Variants in MEN1 observed in about 807,000 individuals in gnomAD.
MEN1 encodes the protein menin.
MEN1 carries 6 observed loss-of-function variants against 58.0 expected under a neutral mutation model. The ratio of observed to expected loss-of-function variants is 0.10; its 90% CI spans 0.06 to 0.20. The LOEUF (loss-of-function observed/expected upper bound fraction) is 0.20, where lower values mean the gene tolerates loss of function less well. Ranked by LOEUF, MEN1 falls within the 10% of genes least tolerant of loss-of-function variation. The probability of loss-of-function intolerance (pLI) is 1.00; values close to 1 mark genes in which losing one functional copy is unlikely to be tolerated. For missense variants in MEN1, 492 were observed against 818.5 expected, an observed-to-expected ratio of 0.60 and a Z score of 4.87; for synonymous variants, 346 against 350.7, an observed-to-expected ratio of 0.99 and a Z score of 0.15.
In MEN1 at chr11:64,809,810, G is replaced by A. The variant is rs773136972; in HGVS notation, c.300C>T (p.Ala100=). The change falls in exon 2 of 10, where the codon GCC becomes GCT. Residue 100 remains alanine, a synonymous_variant. Coordinates refer to ENST00000450708, the MANE Select transcript of MEN1 (RefSeq NM_001370259.2). Reference sequence around the variant, plus strand: ...CTCGAGGATAGAGGGACAGGTCGACGGCGCCTCGGATCTGGGCGGTGAAGC... The same window carrying A: ...CTCGAGGATAGAGGGACAGGTCGACAGCGCCTCGGATCTGGGCGGTGAAGC... ...YARFTAQIRG[A]VDLSLYPREG... is the part of the protein sequence containing the mutation. The A allele has an allele frequency of 1.2e-6, 2 of 1,613,874 alleles. No homozygotes were observed. The highest frequency in any genetic ancestry group is 1.7e-6 in the Non-Finnish European group (2 of 1,179,918).
At chr11:64,806,411 A>G (rs1565644528) in intron 6 of MEN1, 43 bp from the exon 7 acceptor site, 2 of 1,612,842 alleles carry the variant, frequency 1.2e-6, no homozygotes, top group Non-Finnish European at 1.7e-6. Context: ...AGGCAGCCCC[A>G]GCTGCCCTGC....
Position 64,809,944 on chromosome 11 carries a change from T to G in MEN1, c.166A>C (p.Thr56Pro), listed in dbSNP as rs1396921906. Residue 56 changes from threonine (T) to proline (P), a missense_variant, in exon 2 of 10, where the codon ACC becomes CCC. Coordinates refer to ENST00000450708, the MANE Select transcript of MEN1 (RefSeq NM_001370259.2). The part of the protein sequence containing the change: ...HFLAVNRVIP[T>P]NVPELTFQPS... ...TGGAAGGTGAGCTCGGGAACGTTGG[T>G]AGGGATGACGCGGTTGACAGCCAGA... The G allele has an allele frequency of 1.3e-6, 2 of 1,584,696 alleles. No homozygotes were observed. Among genetic ancestry groups the G allele is most frequent in the South Asian group, 2.3e-5 (2 of 87,992 alleles).
rs1942020951 is a variant in MEN1, at chr11:64,810,044, C to T, written c.66G>A (p.Leu22=). 1 of 1,610,190 alleles carries T rather than the reference C, an allele frequency of 6.2e-7. No homozygotes were observed. The highest frequency in any genetic ancestry group is 2.2e-5 in the East Asian group (1 of 44,742). ...PLRSIDDVVR[L]FAAELGREEP... ...CCTCTCGGCCCAGCTCGGCAGCAAACAGGCGCACCACGTCGTCGATGGAGC... is the reference window on the plus strand; with the variant it reads ...CCTCTCGGCCCAGCTCGGCAGCAAATAGGCGCACCACGTCGTCGATGGAGC... The change falls in exon 2 of 10, where the codon CTG becomes CTA. Residue 22 remains leucine, a synonymous_variant. Coordinates refer to ENST00000450708, the MANE Select transcript of MEN1 (RefSeq NM_001370259.2).
Position 64,807,834 on chromosome 11 carries a change from G to A in MEN1, c.654+57C>T. 1 of 1,607,906 alleles carries A rather than the reference G, an allele frequency of 6.2e-7. No homozygotes were observed. The highest frequency in any genetic ancestry group is 8.5e-7 in the Non-Finnish European group (1 of 1,174,728). ...GTGGCCCAAGAAAATGGAGTCCCTTGGGTGGCTTGGGCTACTACAGTATGA... is the reference window on the plus strand; with the variant it reads ...GTGGCCCAAGAAAATGGAGTCCCTTAGGTGGCTTGGGCTACTACAGTATGA... On this transcript the variant is annotated intron_variant, in intron 3 of 9. Transcript: ENST00000450708. The surrounding 1 kb of genome is among the most constrained non-coding windows in gnomAD (Gnocchi z 4.9).
intron 1 of MEN1, 159 bp downstream of exon 1, chr11:64,810,354 GA>G: frequency 1.8e-6 from 1 of 566,428 alleles, no homozygotes; most frequent in Non-Finnish European, 3.1e-6. Context: ...CCCGGTACCC[GA>G]TGGGGTGCGC....
In MEN1 at chr11:64,804,680, T is replaced by C. The variant is rs1270463727; in HGVS notation, c.1487A>G (p.Lys496Arg). ...ESKPEEPPPP[K>R]KPALDKGLGT... ...CAGGCCCTTGTCCAGTGCTGGCTTC[T>C]TGGGCGGCGGGGGCTCCTCTGGCTT... is the stretch of plus-strand genomic sequence containing the variant. Residue 496 changes from lysine (K) to arginine (R), a missense_variant, in exon 10 of 10, where the codon AAG becomes AGG. Coordinates refer to ENST00000450708, the MANE Select transcript of MEN1 (RefSeq NM_001370259.2). The surrounding 1 kb of genome is among the most constrained non-coding windows in gnomAD (Gnocchi z 4.2). 1.9e-6 allele frequency: 3 copies of C among 1,594,918 alleles called. No homozygotes were observed. Among genetic ancestry groups the C allele is most frequent in the Non-Finnish European group, 2.6e-6 (3 of 1,175,208 alleles).
chr11:64,804,491 T>C lies in MEN1; in HGVS notation c.1676A>G (p.Lys559Arg). 6.2e-7 allele frequency: 1 copy of C among 1,614,162 alleles called. No individual in the cohort carries two copies. The highest frequency in any genetic ancestry group is 8.5e-7 in the Non-Finnish European group (1 of 1,180,006). Residue 559 changes from lysine to arginine, a missense_variant, in exon 10 of 10, where the codon AAG becomes AGG. Around this residue, in one of 5 missense-constraint regions of MEN1, gnomAD observed 24 missense variants for 72.4 expected, o/e 0.33. Transcript: ENST00000450708. This position sits in a 1 kb window ranked among gnomAD's most constrained non-coding sequence, Gnocchi z 4.2. ...PVLTFQSEKMKGMKELLVATK... is the reference protein window; with the variant it reads ...PVLTFQSEKMRGMKELLVATK... ...GGCCACCAGCAGCTCCTTCATGCCCTTCATCTTCTCACTCTGGAAAGTGAG... is the reference window on the plus strand; with the variant it reads ...GGCCACCAGCAGCTCCTTCATGCCCCTCATCTTCTCACTCTGGAAAGTGAG...
In MEN1 at chr11:64,807,918, C is replaced by G. The variant is rs1565647751; in HGVS notation, c.627G>C (p.Gln209His). Reference sequence around the variant, plus strand: ...GCTCAGCCACACCGGCATTGACTGTCTGGCCCCTGCGGTCCTCGTTGCCCT... The same window carrying G: ...GCTCAGCCACACCGGCATTGACTGTGTGGCCCCTGCGGTCCTCGTTGCCCT... ...HGKGNEDRRG[Q>H]TVNAGVAERS... Residue 209 changes from glutamine to histidine, a missense_variant, in exon 3 of 10, where the codon CAG (glutamine) becomes CAC (histidine). This residue lies in a region of MEN1 where 335 missense variants were observed against 550.3 expected (regional missense o/e 0.61). Transcript: ENST00000450708. This position sits in a 1 kb window ranked among gnomAD's most constrained non-coding sequence, Gnocchi z 4.9. 1.9e-6 allele frequency: 3 copies of G among 1,614,152 alleles called. No homozygotes were observed. The highest frequency in any genetic ancestry group is 1.7e-6 in the Non-Finnish European group (2 of 1,180,004).
chr11:64,806,243 A>G lies in MEN1; in HGVS notation c.1038T>C (p.Thr346=), dbSNP rs1414483292. The change falls in exon 7 of 10, where the codon ACT becomes ACC. Residue 346 remains threonine, a synonymous_variant. Coordinates refer to ENST00000450708, the MANE Select transcript of MEN1 (RefSeq NM_001370259.2). ...EALQAWADTA[T]VIQDYNYCRE... is the part of the protein sequence containing the mutation. Reference sequence around the variant, plus strand: ...AGGGGGATCCTCACTCCTGGATGACAGTGGCCGTGTCCGCCCAGGCCTGCA... The same window carrying G: ...AGGGGGATCCTCACTCCTGGATGACGGTGGCCGTGTCCGCCCAGGCCTGCA... The G allele has an allele frequency of 6.2e-7, 1 of 1,614,018 alleles. No homozygotes were observed. Among genetic ancestry groups the G allele is most frequent in the African/African-American group, 1.3e-5 (1 of 74,922 alleles).
At chr11:64,809,218 C>T (rs986356547) in intron 2 of MEN1, among the ~76,000 whole-genome samples, 7 of 140,614 alleles carry the variant, frequency 5.0e-5, no homozygotes. Flanking sequence ...GAGCCATGAT[C>T]ACACCACTGC....
rs1941991134 is a variant in MEN1, at chr11:64,809,804, G to A, written c.306C>T (p.Asp102=). Residue 102 remains aspartate, a synonymous_variant, in exon 2 of 10, where the codon GAC becomes GAT. Coordinates refer to ENST00000450708, the MANE Select transcript of MEN1 (RefSeq NM_001370259.2). ...RFTAQIRGAV[D]LSLYPREGGV... ...CCCCTTCTCGAGGATAGAGGGACAG[G>A]TCGACGGCGCCTCGGATCTGGGCGG... 6.2e-7 allele frequency: 1 copy of A among 1,613,990 alleles called. No individual in the cohort carries two copies. Among genetic ancestry groups the A allele is most frequent in the Non-Finnish European group, 8.5e-7 (1 of 1,179,946 alleles).
At position 64,805,933 on chromosome 11, in the gene MEN1, A is replaced by G. The variant is rs115859693; in HGVS notation, c.1050-163T>C. ...GTCAGCCCAGAGGAAGAAAGCAAGA[A>G]TGAGGAGGGGGGCATGGGGCCGAGG... On this transcript the variant is annotated intron_variant, in intron 7 of 9. Transcript: ENST00000450708. 1.1e-3 allele frequency: 825 copies of G among 755,278 alleles called. 2 individuals carry two copies. In the African/African-American group the frequency reaches 0.013, roughly 12 times the overall value. 46.8% of individuals were successfully genotyped at this position (755,278 alleles called of 1,614,324 possible).
chr11:64,808,805 A>G (rs1941919025), intron 2 of MEN1, among the ~76,000 whole-genome samples: 1 of 152,076 alleles, frequency 6.6e-6, no homozygotes, highest in African/African-American at 2.4e-5. Context: ...AAAATTAGCC[A>G]GGCATGGTGG....
chr11:64,810,374 C>A, intron 1 of MEN1, 140 bp downstream of exon 1: 1 of 541,058 alleles, frequency 1.8e-6, no homozygotes, highest in Non-Finnish European at 3.3e-6. Context: ...GCCCCAAGCA[C>A]CCCAATGAGG....
intron 7 of MEN1, 31 bp downstream of exon 7, chr11:64,806,201 A>G: frequency 6.2e-7 from 1 of 1,613,476 alleles, no homozygotes; most frequent in Non-Finnish European, 8.5e-7. Context: ...AAGAAAGGAC[A>G]GGCTGCAGGC....
chr11:64,810,197 C>T, intron 1 of MEN1, 65 bp from the exon 2 acceptor site: 2 of 1,050,212 alleles, frequency 1.9e-6, no homozygotes, highest in South Asian at 3.1e-5. Context: ...TCCCAGGGTC[C>T]GCTAAGGTTC....
At position 64,807,257 on chromosome 11, in the gene MEN1, G is replaced by C. The variant is rs2136135690; in HGVS notation, c.784-38C>G. The C allele has an allele frequency of 6.2e-7, 1 of 1,605,352 alleles. No homozygotes were observed. Among genetic ancestry groups the C allele is most frequent in the Non-Finnish European group, 8.5e-7 (1 of 1,177,298 alleles). ...GGAGAGAGTTATGAGCCACGGAACAGGGAGGAGAACGGGTCCTTAGCCTAT... is the reference window on the plus strand; with the variant it reads ...GGAGAGAGTTATGAGCCACGGAACACGGAGGAGAACGGGTCCTTAGCCTAT... On this transcript the variant is annotated intron_variant, in intron 4 of 9. Transcript: ENST00000450708. The surrounding 1 kb of genome is among the most constrained non-coding windows in gnomAD (Gnocchi z 4.9).
Position 64,804,628 on chromosome 11 carries a change from T to G in MEN1, c.1539A>C (p.Gly513=), listed in dbSNP as rs1941530792. The G allele has an allele frequency of 6.2e-7, 1 of 1,606,112 alleles. No individual in the cohort carries two copies. Among genetic ancestry groups the G allele is most frequent in the Non-Finnish European group, 8.5e-7 (1 of 1,178,008 alleles). ...CAGTCCCAGGAGGCTTCCGGGGGGG[T>G]CCTGACACTGCACCCTGGCCGGTGC... is the stretch of plus-strand genomic sequence containing the variant. ...GLGTGQGAVS[G]PPRKPPGTVA... is the part of the protein sequence containing the mutation. The change falls in exon 10 of 10, where the codon GGA becomes GGC. Residue 513 remains glycine, a synonymous_variant. Coordinates refer to ENST00000450708, the MANE Select transcript of MEN1 (RefSeq NM_001370259.2). This position sits in a 1 kb window ranked among gnomAD's most constrained non-coding sequence, Gnocchi z 4.2.
In MEN1 at chr11:64,810,118, GC is replaced by G; in HGVS notation, c.-10del. ...GCGGCCTTCAGCCCCATGGCGGCGG[GC>G]GGTGGGCGGCGGCCTGCAAGGCAAG... On this transcript the variant is annotated 5_prime_UTR_variant, in exon 2 of 10. Coordinates refer to ENST00000450708, the MANE Select transcript of MEN1 (RefSeq NM_001370259.2). 6.5e-7 allele frequency: 1 copy of G among 1,543,914 alleles called. No individual in the cohort carries two copies.
Sources: allele counts gnomAD v4.1 joint callset (sites outside exome capture counted in the v4.1 genomes callset), GRCh38; gene constraint gnomAD v4.1.1; regional missense constraint gnomAD v4.1.1; non-coding constraint Gnocchi (gnomAD v3.1); transcripts MANE v1.5; gene names NCBI Gene and HGNC (gene_info 2026-07-23, HGNC 2026-07-21).